Variants in FLNA observed in about 807,000 individuals in gnomAD.
The protein encoded by FLNA is filamin-A.
Under a neutral mutation model 157.6 loss-of-function variants are expected in FLNA, and 7 were observed. The ratio of observed to expected loss-of-function variants is 0.04; its 90% CI spans 0.03 to 0.08. FLNA has a LOEUF of 0.08. Ranked by LOEUF, FLNA falls within the 10% of genes least tolerant of loss-of-function variation. The pLI, the probability that FLNA is intolerant of heterozygous loss-of-function variation, is 1.00. For missense variants in FLNA, 1,750 were observed against 2,398.4 expected (o/e 0.73, Z 5.65); for synonymous variants, 1,103 against 1,060.8 (o/e 1.04, Z -0.77).
Position 154,352,824 on chromosome X carries a change from T to C in FLNA, c.6327A>G (p.Thr2109=), listed in dbSNP as rs1557176047. Residue 2109 remains threonine, a synonymous_variant, in exon 39 of 48, where the codon ACA becomes ACG. Coordinates refer to ENST00000369850, the MANE Select transcript of FLNA (RefSeq NM_001110556.2). ...TGTTGATGATGTAGTTGCCTGGCTC[T>C]GTGGGGCAGTAGGTGACCCTGCACG... is the stretch of plus-strand genomic sequence containing the variant. ...DGTCRVTYCP[T]EPGNYIINIK... 1 of 1,211,783 alleles carries C rather than the reference T, an allele frequency of 8.3e-7. No individual in the cohort carries two copies. The highest frequency in any genetic ancestry group is 1.1e-6 in the Non-Finnish European group (1 of 895,380).
intron 2 of FLNA, among the ~76,000 whole-genome samples, chrX:154,369,006 C>T (rs918069624): frequency 2.7e-5 from 3 of 113,146 alleles, no homozygotes; most frequent in Non-Finnish European, 5.6e-5. Flanking sequence ...AAGGCTACTT[C>T]TGGGTCTCAG....
intron 30 of FLNA, among the ~76,000 whole-genome samples, chrX:154,355,500 C>T (rs781783826): frequency 2.6e-5 from 3 of 113,605 alleles, no homozygotes; most frequent in East Asian, 2.8e-4. Flanking sequence ...CGCGGTGAGG[C>T]GGAGTCCTGC....
Position 154,366,134 on chromosome X carries a change from C to A in FLNA, c.1319G>T (p.Ser440Ile), listed in dbSNP as rs782649138. The A allele has an allele frequency of 8.3e-7, 1 of 1,210,321 alleles. No homozygotes were observed. Among genetic ancestry groups the A allele is most frequent in the Admixed American group, 2.2e-5 (1 of 46,151 alleles). ...GGGCTGGTAGCTGCAGCGGTATGTG[C>A]TGTCGCCCCGGGCCTCCAGCTGAGG... ...VEPQLEARGD[S>I]TYRCSYQPTM... Residue 440 changes from serine (S) to isoleucine (I), a missense_variant, in exon 9 of 48, where the codon AGC (serine) becomes ATC (isoleucine). Physicochemically the swap from Ser to Ile is moderately radical, Grantham distance 142. Transcript: ENST00000369850.
chrX:154,364,500 T>C (rs1016843803), intron 13 of FLNA, 26 bp downstream of exon 13: 7 of 1,205,613 alleles, frequency 5.8e-6, no homozygotes, highest in Non-Finnish European at 7.8e-6. Context: ...AGGGCGAGAC[T>C]TAGGCCATCA....
rs1350949025 is a variant in FLNA at position 154,371,175 on chromosome X, C to A, written c.71G>T (p.Arg24Leu). Residue 24 changes from arginine (R) to leucine (L), a missense_variant, in exon 2 of 48, where the codon CGG becomes CTG. By Grantham distance (102) the Arg-to-Leu change is moderately radical (BLOSUM62 -2). Around this residue, in one of 5 missense-constraint regions of FLNA, gnomAD observed 58 missense variants for 27.8 expected, o/e 2.09. Transcript: ENST00000369850. ...GAAPGGGVDT[R>L]DAEMPATEKD... ...CTCGGTGGCCGGCATCTCGGCGTCC[C>A]GCGTGTCGACGCCGCCGCCCGGAGC... 1.1e-5 allele frequency: 13 copies of A among 1,193,946 alleles called. No homozygotes were observed. The highest frequency in any genetic ancestry group is 2.3e-5 in the Admixed American group (1 of 43,662).
At chrX:154,366,502 G>A in intron 7 of FLNA, 32 bp from the exon 8 acceptor site, 2 of 1,209,979 alleles carry the variant, frequency 1.7e-6, no homozygotes, top group East Asian at 3.0e-5. Context: ...GTGAGGGTAG[G>A]GCTGGGGGCC....
chrX:154,359,658 C>A lies in FLNA; in HGVS notation c.3980-12G>T. 1 of 1,210,843 alleles carries A rather than the reference C, an allele frequency of 8.3e-7. No homozygotes were observed. The highest frequency in any genetic ancestry group is 1.1e-6 in the Non-Finnish European group (1 of 895,335). On this transcript the variant is annotated splice_polypyrimidine_tract_variant and intron_variant, in intron 23 of 47. Transcript: ENST00000369850. ...CACGGAGTGCAGTCCTGGAGGAGTG[C>A]AGGCCAGGTCAGGAGGAGCCCGGGC...
Position 154,371,291 on chromosome X carries a change from G to A in FLNA, c.-46C>T, listed in dbSNP as rs1557180324. On this transcript the variant is annotated 5_prime_UTR_variant, in exon 2 of 48. Coordinates refer to ENST00000369850, the MANE Select transcript of FLNA (RefSeq NM_001110556.2). ...GGGGGCGGTGCTGCAGCCTCGGCGA[G>A]GGGACGGCCCTTTAATTAAAGTCGC... 1 of 1,185,143 alleles carries A rather than the reference G, an allele frequency of 8.4e-7. No homozygotes were observed. Among genetic ancestry groups the A allele is most frequent in the African/African-American group, 1.7e-5 (1 of 57,706 alleles).
chrX:154,355,862 G>A (rs782226362), intron 30 of FLNA, among the ~76,000 whole-genome samples: 5 of 112,925 alleles, frequency 4.4e-5, no homozygotes, highest in African/African-American at 3.2e-5. Context: ...GGCTTGGGGG[G>A]CTGTGGGCTG....
rs782072585 is a variant in FLNA, at chrX:154,365,378, C to A, written c.1538G>T (p.Gly513Val). 2 of 1,211,942 alleles carry A rather than the reference C, an allele frequency of 1.7e-6. No homozygotes were observed. Among genetic ancestry groups the A allele is most frequent in the East Asian group, 3.0e-5 (1 of 33,844 alleles). ...FKVYTKGAGS[G>V]ELKVTVKGPK... ...GCCCTTCACGGTGACCTTCAGCTCCCCACTGCCAGCGCCCTTTGTGTACAC... is the reference window on the plus strand; with the variant it reads ...GCCCTTCACGGTGACCTTCAGCTCCACACTGCCAGCGCCCTTTGTGTACAC... The change falls in exon 10 of 48, where the codon GGG becomes GTG. Residue 513 changes from glycine (G) to valine (V), a missense_variant. Transcript: ENST00000369850.
Position 154,351,937 on chromosome X carries a change from A to C in FLNA, c.6854T>G (p.Phe2285Cys). Residue 2285 changes from phenylalanine to cysteine, a missense_variant, in exon 42 of 48, where the codon TTT becomes TGT. Physicochemically the swap from Phe to Cys is radical, Grantham distance 205. Around this residue, in one of 5 missense-constraint regions of FLNA, gnomAD observed 970 missense variants for 1,302.6 expected, o/e 0.74. Transcript: ENST00000369850. ...ACAGGAGCCGTCCTTGCGGTCCTCA[A>C]AAGAGATCTCAGCCTTGCTGGGGCC... ...VEGPSKAEISFEDRKDGSCGV... is the reference protein window; with the variant it reads ...VEGPSKAEISCEDRKDGSCGV... 2 of 1,211,654 alleles carry C rather than the reference A, an allele frequency of 1.7e-6. No individual in the cohort carries two copies. The highest frequency in any genetic ancestry group is 2.2e-6 in the Non-Finnish European group (2 of 895,433).
rs1445311327 is a variant in FLNA, at chrX:154,354,958, T to C, written c.5084A>G (p.Glu1695Gly). Residue 1695 changes from glutamate to glycine, a missense_variant, in exon 31 of 48, where the codon GAG becomes GGG. Coordinates refer to ENST00000369850, the MANE Select transcript of FLNA (RefSeq NM_001110556.2). ...TCTVCTPDGS[E>G]VDVDVVENED... ...ATTCTCCACCACGTCCACATCCACC[T>C]CTGAGCCATCAGGCGTGCACACGGT... is the stretch of plus-strand genomic sequence containing the variant. 2 of 1,211,256 alleles carry C rather than the reference T, an allele frequency of 1.7e-6. No homozygotes were observed. Among genetic ancestry groups the C allele is most frequent in the African/African-American group, 3.5e-5 (2 of 57,677 alleles).
intron 1 of FLNA, among the ~76,000 whole-genome samples, chrX:154,371,884 G>A (rs1272075618): frequency 8.8e-6 from 1 of 113,608 alleles, no homozygotes; most frequent in East Asian, 2.8e-4. Context: ...AACCCTAAGA[G>A]CGAACCCCTG....
At position 154,352,902 on chromosome X, in the gene FLNA, G is replaced by A. The variant is rs1557176070; in HGVS notation, c.6249C>T (p.Ser2083=). ...RDAGYGGLSL[S]IEGPSKVDIN... is the part of the protein sequence containing the mutation. Reference sequence around the variant, plus strand: ...TGTCCACCTTGCTGGGGCCCTCAATGGACAGGCTGAGCCCACCATAGCCTA... The same window carrying A: ...TGTCCACCTTGCTGGGGCCCTCAATAGACAGGCTGAGCCCACCATAGCCTA... The change falls in exon 39 of 48, where the codon TCC becomes TCT. Residue 2083 remains serine (S), a synonymous_variant. Transcript: ENST00000369850. The A allele has an allele frequency of 8.3e-7, 1 of 1,210,633 alleles. No individual in the cohort carries two copies. The highest frequency in any genetic ancestry group is 1.7e-5 in the African/African-American group (1 of 57,449).
intron 35 of FLNA, 49 bp from the exon 36 acceptor site, chrX:154,353,776 G>C: frequency 8.4e-7 from 1 of 1,197,545 alleles, no homozygotes; most frequent in Non-Finnish European, 1.1e-6. Context: ...GGACACTCCA[G>C]TTGGCCTGCA....
At chrX:154,365,044 C>A (rs1407308751) in intron 11 of FLNA, 87 bp from the exon 12 acceptor site, 1 of 1,200,191 alleles carries the variant, frequency 8.3e-7, no homozygotes, top group East Asian at 3.0e-5. Context: ...GCAGGAAGAG[C>A]CCATGTGGCC....
At position 154,364,352 on chromosome X, in the gene FLNA, T is replaced by A; in HGVS notation, c.2043A>T (p.Gly681=). The A allele has an allele frequency of 8.3e-7, 1 of 1,210,553 alleles. No individual in the cohort carries two copies. Among genetic ancestry groups the A allele is most frequent in the Non-Finnish European group, 1.1e-6 (1 of 895,132 alleles). The change falls in exon 14 of 48, where the codon GGA becomes GGT. Residue 681 remains glycine, a synonymous_variant. Coordinates refer to ENST00000369850, the MANE Select transcript of FLNA (RefSeq NM_001110556.2). ...HPDRVKARGP[G]LEKTGVAVNK... Reference sequence around the variant, plus strand: ...TGACGGCCACACCTGTCTTCTCCAATCCAGGCCCACGTGCCTTCACCTAGC... The same window carrying A: ...TGACGGCCACACCTGTCTTCTCCAAACCAGGCCCACGTGCCTTCACCTAGC...
Position 154,359,361 on chromosome X carries a change from G to C in FLNA, c.4188C>G (p.Ser1396=). 2 of 1,211,287 alleles carry C rather than the reference G, an allele frequency of 1.7e-6. No individual in the cohort carries two copies. The highest frequency in any genetic ancestry group is 2.2e-6 in the Non-Finnish European group (2 of 895,473). Residue 1396 remains serine (S), a synonymous_variant, in exon 25 of 48, where the codon TCC becomes TCG. Transcript: ENST00000369850. ...GGLGLAVEGP[S]EAKMSCMDNK... Reference sequence around the variant, plus strand: ...TATCCATGCAGGACATCTTGGCCTCGGAGGGGCCCTCTACAGCCAGGCCCA... The same window carrying C: ...TATCCATGCAGGACATCTTGGCCTCCGAGGGGCCCTCTACAGCCAGGCCCA...
chrX:154,349,145 C>T, intron 47 of FLNA, 109 bp from the exon 48 acceptor site: 10 of 884,391 alleles, frequency 1.1e-5, no homozygotes, highest in Non-Finnish European at 1.6e-5. Context: ...GTTCTCTCTT[C>T]CTAAAGAGCT....
Sources: allele counts gnomAD v4.1 joint callset (sites outside exome capture counted in the v4.1 genomes callset), GRCh38; gene constraint gnomAD v4.1.1; regional missense constraint gnomAD v4.1.1; transcripts MANE v1.5; gene names NCBI Gene and HGNC (gene_info 2026-07-23, HGNC 2026-07-21).